FRMD4A: variants seen among roughly 807,000 people sequenced by gnomAD.
FRMD4A encodes FERM domain containing 4A, also known as FERM domain-containing protein 4A.
FRMD4A carries 29 observed loss-of-function variants against 129.1 expected under a neutral mutation model. That is an observed-to-expected ratio of 0.22 (90% confidence interval 0.17 to 0.31). FRMD4A has a LOEUF of 0.31. Among genes scored for constraint, FRMD4A ranks in the 10% least tolerant of loss-of-function variants. The probability of loss-of-function intolerance (pLI) is 1.00; values close to 1 mark genes in which losing one functional copy is unlikely to be tolerated. For missense variants in FRMD4A, 1,272 were observed against 1,375.8 expected (o/e 0.92, Z 1.19); for synonymous variants, 634 against 571.6 (o/e 1.11, Z -1.56).
At chr10:13,734,162 C>T (rs2090483839) in intron 12 of FRMD4A, among the ~76,000 whole-genome samples, 1 of 152,170 alleles carries the variant, frequency 6.6e-6, no homozygotes, top group Non-Finnish European at 1.5e-5. Flanking sequence ...TGGCCTCCCT[C>T]TTCCGCCTAC....
chr10:14,052,870 C>A (rs941440693), intron 2 of FRMD4A, among the ~76,000 whole-genome samples: 69 of 152,038 alleles, frequency 4.5e-4, no homozygotes, highest in African/African-American at 1.6e-3. Context: ...AGCCACCAGG[C>A]TCTTTTTTAA....
chr10:14,118,250 C>T (rs1200750726), intron 2 of FRMD4A, among the ~76,000 whole-genome samples: 1 of 152,156 alleles, frequency 6.6e-6, no homozygotes, highest in African/African-American at 2.4e-5. Flanking sequence ...CCTCCACTGC[C>T]AGAGTTAAAG....
chr10:14,326,677 A>G, intron 2 of FRMD4A: 1 of 396,366 alleles, frequency 2.5e-6, no homozygotes. Flanking sequence ...TTGGTTATTC[A>G]TCCTTATCCT....
At chr10:13,979,363 T>C (rs775719824) in intron 2 of FRMD4A, among the ~76,000 whole-genome samples, 11 of 152,162 alleles carry the variant, frequency 7.2e-5, no homozygotes, top group Non-Finnish European at 8.8e-5. Flanking sequence ...CACTTCCTTT[T>C]CGCAGAGGAC....
intron 16 of FRMD4A, among the ~76,000 whole-genome samples, chr10:13,673,417 G>T (rs1019636814): frequency 5.3e-5 from 8 of 152,108 alleles, no homozygotes; most frequent in Admixed American, 3.3e-4. Flanking sequence ...TGGGGGAGGG[G>T]TATACGTCTC....
chr10:14,321,840 C>A (rs1359863058), intron 2 of FRMD4A, among the ~76,000 whole-genome samples: 1 of 152,080 alleles, frequency 6.6e-6, no homozygotes, highest in Non-Finnish European at 1.5e-5. Flanking sequence ...GGGGAAGGGG[C>A]CTGGTGGGAG....
At chr10:13,700,228 G>C (rs967078205) in intron 14 of FRMD4A, among the ~76,000 whole-genome samples, 1 of 151,748 alleles carries the variant, frequency 6.6e-6, no homozygotes, top group Non-Finnish European at 1.5e-5. Flanking sequence ...GACTACAGAT[G>C]TGAGCCACTG....
chr10:14,039,822 G>A (rs1833709119), intron 2 of FRMD4A, among the ~76,000 whole-genome samples: 1 of 152,074 alleles, frequency 6.6e-6, no homozygotes, highest in Non-Finnish European at 1.5e-5. Flanking sequence ...AACCACCTTG[G>A]GCGCATGTCG....
At chr10:13,737,172 C>T (rs2090680234) in intron 12 of FRMD4A, among the ~76,000 whole-genome samples, 1 of 152,222 alleles carries the variant, frequency 6.6e-6, no homozygotes, top group Non-Finnish European at 1.5e-5. Flanking sequence ...TCACTGCAAT[C>T]TCCGCCTCCC....
chr10:13,792,192 C>T (rs1031327236), intron 5 of FRMD4A, among the ~76,000 whole-genome samples: 9 of 152,194 alleles, frequency 5.9e-5, no homozygotes, highest in African/African-American at 2.2e-4. Context: ...CTCTGTCACT[C>T]ATGGTGGTGT....
chr10:13,734,660 C>G (rs1017433207), intron 12 of FRMD4A, among the ~76,000 whole-genome samples: 4 of 152,096 alleles, frequency 2.6e-5, no homozygotes, highest in Non-Finnish European at 5.9e-5. Context: ...CTCCTTACAC[C>G]CAGTTGACGC....
At chr10:13,754,567 CGTGTGTGTGTGT>C (rs56304219) in intron 8 of FRMD4A, among the ~76,000 whole-genome samples, 3 of 147,886 alleles carry the variant, frequency 2.0e-5, no homozygotes, top group South Asian at 2.2e-4. Flanking sequence ...ACAATTCTTT[CGTGTGTGTGTGT>C]GTGTGTGTGT....
At chr10:13,734,626 G>A (rs2090516119) in intron 12 of FRMD4A, among the ~76,000 whole-genome samples, 1 of 148,074 alleles carries the variant, frequency 6.8e-6, no homozygotes, top group South Asian at 2.1e-4. Flanking sequence ...CTCACTCTCT[G>A]CTTCCTCTGT....
At chr10:14,026,092 C>T (rs1030456575) in intron 2 of FRMD4A, among the ~76,000 whole-genome samples, 1 of 152,192 alleles carries the variant, frequency 6.6e-6, no homozygotes, top group African/African-American at 2.4e-5. Context: ...TGATTCCAAA[C>T]AGAGTGTGAC....
At chr10:14,046,922 G>A (rs779735558) in intron 2 of FRMD4A, among the ~76,000 whole-genome samples, 1 of 152,040 alleles carries the variant, frequency 6.6e-6, no homozygotes, top group Non-Finnish European at 1.5e-5. Flanking sequence ...AGGGCTGGTC[G>A]CTGGACATCA....
intron 2 of FRMD4A, among the ~76,000 whole-genome samples, chr10:14,103,380 A>T (rs1837411250): frequency 6.6e-6 from 1 of 152,140 alleles, no homozygotes; most frequent in South Asian, 2.1e-4. Flanking sequence ...TTCCTACTGC[A>T]GCCTGGAATA....
chr10:13,839,537 G>A (rs2093929913), intron 3 of FRMD4A, among the ~76,000 whole-genome samples: 1 of 152,206 alleles, frequency 6.6e-6, no homozygotes. Context: ...CCCCAGTTAA[G>A]TTGGCTTTGG....
intron 2 of FRMD4A, among the ~76,000 whole-genome samples, chr10:14,127,988 C>T (rs12772160): frequency 1.2e-4 from 14 of 119,442 alleles, no homozygotes; most frequent in African/African-American, 2.8e-4. Context: ...CCTTCTCTCT[C>T]TCTCTCTCTC....
At chr10:14,178,578 G>A (rs1041647015) in intron 2 of FRMD4A, among the ~76,000 whole-genome samples, 2 of 152,128 alleles carry the variant, frequency 1.3e-5, no homozygotes, top group East Asian at 1.9e-4. Context: ...GAGGGTGGTG[G>A]GGATTAGAAA....
Sources: allele counts gnomAD v4.1 joint callset (sites outside exome capture counted in the v4.1 genomes callset), GRCh38; gene constraint gnomAD v4.1.1; transcripts MANE v1.5; gene names NCBI Gene and HGNC (gene_info 2026-07-23, HGNC 2026-07-21).